CFAP299: variants seen among roughly 807,000 people sequenced by gnomAD.
CFAP299 encodes cilia- and flagella-associated protein 299.
In CFAP299, 21 loss-of-function variants were observed where a neutral mutation model predicts 27.0. That is an observed-to-expected ratio of 0.78 (90% CI 0.55 to 1.12). The LOEUF is 1.12. Ranked by LOEUF, CFAP299 falls within the 50% of genes most tolerant of loss-of-function variation. The pLI is 0.00. For synonymous variants in CFAP299, 104 were observed against 98.1 expected, an observed-to-expected ratio of 1.06 and a Z score of -0.36; for missense variants, 310 against 276.6, an observed-to-expected ratio of 1.12 and a Z score of -0.86.
chr4:80,487,473 G>C (rs1280179219), intron 2 of CFAP299, among the ~76,000 whole-genome samples: 1 of 152,138 alleles, frequency 6.6e-6, no homozygotes, highest in Non-Finnish European at 1.5e-5. Context: ...AGGCAACTTG[G>C]GGAGAAAGAG....
rs533464702 is a variant in CFAP299, at chr4:80,755,276, T to C, written c.334-114717T>C. ...AGGCTGCATGTAAAATTGGCTCCTA[T>C]AGAGTCAGTTCTAACAACAGCAACA... On this transcript the variant is annotated intron_variant, in intron 3 of 5. Coordinates refer to ENST00000358105, the MANE Select transcript of CFAP299 (RefSeq NM_152770.3). Among the ~76,000 whole-genome samples the C allele has an allele frequency of 4.6e-5, 7 of 152,102 alleles. No homozygotes were observed. The South Asian group carries it at 1.0e-3, about 23-fold the overall frequency.
intron 2 of CFAP299, among the ~76,000 whole-genome samples, chr4:80,485,114 T>A (rs1173069090): frequency 1.3e-5 from 2 of 151,982 alleles, no homozygotes; most frequent in Non-Finnish European, 2.9e-5. Flanking sequence ...TTTTTTCTCC[T>A]GATATGATGC....
chr4:80,931,716 G>GCATGCACA (rs1162007615), intron 4 of CFAP299, among the ~76,000 whole-genome samples: 1 of 151,338 alleles, frequency 6.6e-6, no homozygotes, highest in Non-Finnish European at 1.5e-5. Flanking sequence ...ATTTTAACAT[G>GCATGCACA]CACGCACACA....
At chr4:80,645,237 T>C (rs1370049030) in intron 3 of CFAP299, among the ~76,000 whole-genome samples, 1 of 152,146 alleles carries the variant, frequency 6.6e-6, no homozygotes, top group Non-Finnish European at 1.5e-5. Context: ...ACTCCCTCTT[T>C]CTCATCCCCC....
intron 4 of CFAP299, among the ~76,000 whole-genome samples, chr4:80,885,771 G>T (rs1325088058): frequency 6.6e-6 from 1 of 152,202 alleles, no homozygotes; most frequent in African/African-American, 2.4e-5. Context: ...GACTTCAGGG[G>T]TGACCCAACA....
At chr4:80,898,539 A>T (rs1208600646) in intron 4 of CFAP299, among the ~76,000 whole-genome samples, 2 of 151,952 alleles carry the variant, frequency 1.3e-5, no homozygotes, top group Admixed American at 1.3e-4. Context: ...CAGGGATGCA[A>T]GTTCTCATTT....
intron 2 of CFAP299, among the ~76,000 whole-genome samples, chr4:80,507,643 T>C (rs562288132): frequency 6.6e-6 from 1 of 152,308 alleles, no homozygotes; most frequent in South Asian, 2.1e-4. Flanking sequence ...TTTTCACAGC[T>C]ACTGCTGTGG....
intron 4 of CFAP299, among the ~76,000 whole-genome samples, chr4:80,898,462 G>A (rs1734722918): frequency 6.6e-6 from 1 of 151,982 alleles, no homozygotes; most frequent in Admixed American, 6.6e-5. Context: ...GTTTTTATGG[G>A]CACTGGATGT....
chr4:80,390,529 GTATA>G (rs1187012612), intron 2 of CFAP299, among the ~76,000 whole-genome samples: 1 of 54,936 alleles, frequency 1.8e-5, no homozygotes, highest in African/African-American at 3.7e-5. Context: ...ATGTATATAT[GTATA>G]TATGTATACA....
chr4:80,355,693 C>A (rs1221841632), intron 1 of CFAP299, among the ~76,000 whole-genome samples: 1 of 151,966 alleles, frequency 6.6e-6, no homozygotes, highest in Non-Finnish European at 1.5e-5. Flanking sequence ...GGTTATTAAA[C>A]CTCTGTTGGA....
At chr4:80,730,317 C>T (rs971694343) in intron 3 of CFAP299, among the ~76,000 whole-genome samples, 2 of 133,902 alleles carry the variant, frequency 1.5e-5, no homozygotes, top group African/African-American at 6.7e-5. Flanking sequence ...GACCTCCGGG[C>T]AGGCAGTGTA....
At chr4:80,689,873 A>C (rs894260172) in intron 3 of CFAP299, among the ~76,000 whole-genome samples, 4 of 152,222 alleles carry the variant, frequency 2.6e-5, no homozygotes, top group East Asian at 1.9e-4. Context: ...GGAAAACAAA[A>C]AAAGGCAGGG....
chr4:80,570,514 A>G (rs1735532066), intron 2 of CFAP299, among the ~76,000 whole-genome samples: 1 of 152,072 alleles, frequency 6.6e-6, no homozygotes, highest in African/African-American at 2.4e-5. Context: ...ACATCAATAA[A>G]AATAGGAAAA....
At chr4:80,726,757 A>G (rs1405570299) in intron 3 of CFAP299, among the ~76,000 whole-genome samples, 1 of 152,216 alleles carries the variant, frequency 6.6e-6, no homozygotes, top group Non-Finnish European at 1.5e-5. Context: ...CCAGTGGTGG[A>G]ATAAAGTAGT....
In CFAP299 at chr4:80,944,881, C is replaced by A; in HGVS notation, c.548C>A (p.Pro183Gln). Residue 183 changes from proline (P) to glutamine (Q), a missense_variant, in exon 5 of 6, where the codon CCA (proline) becomes CAA (glutamine). Transcript: ENST00000358105. Reference sequence around the variant, plus strand: ...AACTATCAAGTGATTGCCGATAATCCAGAAGGCTTACTTTTCAGATACAAA... The same window carrying A: ...AACTATCAAGTGATTGCCGATAATCAAGAAGGCTTACTTTTCAGATACAAA... ...SPNYQVIADN[P>Q]EGLLFRYKRD... 2.5e-6 allele frequency: 4 copies of A among 1,612,394 alleles called. No individual in the cohort carries two copies. The South Asian group carries it at 4.4e-5, about 18-fold the overall frequency.
intron 2 of CFAP299, among the ~76,000 whole-genome samples, chr4:80,409,546 G>A (rs575200965): frequency 1.3e-3 from 197 of 152,184 alleles, no homozygotes; most frequent in African/African-American, 4.0e-3. Flanking sequence ...TTTCTACATA[G>A]GTATCATGAA....
intron 3 of CFAP299, among the ~76,000 whole-genome samples, chr4:80,746,912 G>A (rs1724641259): frequency 6.6e-6 from 1 of 151,970 alleles, no homozygotes; most frequent in Non-Finnish European, 1.5e-5. Flanking sequence ...CTAGAAAATG[G>A]TCTTCAGAAT....
chr4:80,545,647 G>A (rs767567978), intron 2 of CFAP299, among the ~76,000 whole-genome samples: 3 of 152,020 alleles, frequency 2.0e-5, no homozygotes, highest in Admixed American at 6.6e-5. Context: ...GATGGATTCA[G>A]GCAAATTCTA....
At chr4:80,777,258 T>G (rs549959919) in intron 3 of CFAP299, among the ~76,000 whole-genome samples, 1 of 152,258 alleles carries the variant, frequency 6.6e-6, no homozygotes, top group South Asian at 2.1e-4. Flanking sequence ...TTGCATGTGT[T>G]CAGATACAAT....
Sources: gnomAD v4.1 joint callset for allele counts (sites outside exome capture counted in the v4.1 genomes callset) on GRCh38, gnomAD v4.1.1 for gene constraint, MANE v1.5 for transcripts, NCBI Gene and HGNC (gene_info 2026-07-23, HGNC 2026-07-21) for gene names.